Variants in HHAT observed in about 807,000 individuals in gnomAD.
HHAT encodes the protein hedgehog acyltransferase.
HHAT carries 47 observed loss-of-function variants against 70.8 expected under a neutral mutation model. The ratio of observed to expected loss-of-function variants is 0.66; its 90% confidence interval spans 0.53 to 0.85. HHAT has a LOEUF of 0.85. Among genes scored for constraint, HHAT ranks in the 40% least tolerant of loss-of-function variants. The pLI is 0.00. For missense variants in HHAT, 609 were observed against 604.8 expected (o/e 1.01, Z -0.07); for synonymous variants, 228 against 247.6 (o/e 0.92, Z 0.74).
intron 9 of HHAT, among the ~76,000 whole-genome samples, chr1:210,584,162 G>A (rs139065521): frequency 0.013 from 1,934 of 151,622 alleles, 36 homozygotes; most frequent in Middle Eastern, 0.017. Flanking sequence ...GGCTGGTCTC[G>A]AACTCCTGAC....
chr1:210,612,330 A>C (rs1666766279), intron 10 of HHAT, among the ~76,000 whole-genome samples: 1 of 152,124 alleles, frequency 6.6e-6, no homozygotes, highest in Non-Finnish European at 1.5e-5. Context: ...CTCAGTCCCT[A>C]GTAGCCACTA....
intron 9 of HHAT, among the ~76,000 whole-genome samples, chr1:210,526,286 C>T (rs1329685841): frequency 1.3e-5 from 2 of 151,818 alleles, no homozygotes; most frequent in African/African-American, 2.4e-5. Flanking sequence ...ACTGCAACAC[C>T]TCTGAGCCTG....
At chr1:210,636,540 C>T (rs1671901494) in intron 11 of HHAT, among the ~76,000 whole-genome samples, 1 of 152,178 alleles carries the variant, frequency 6.6e-6, no homozygotes, top group Non-Finnish European at 1.5e-5. Flanking sequence ...TTCTTTGCCT[C>T]CTTTGGTTCT....
chr1:210,477,636 C>A (rs1288168082), intron 8 of HHAT, among the ~76,000 whole-genome samples: 3 of 152,210 alleles, frequency 2.0e-5, no homozygotes, highest in Non-Finnish European at 4.4e-5. Flanking sequence ...GTAGGCATTC[C>A]ATTTCTGGGA....
At chr1:210,508,087 T>G (rs2094892117) in intron 8 of HHAT, among the ~76,000 whole-genome samples, 1 of 151,200 alleles carries the variant, frequency 6.6e-6, no homozygotes, top group Non-Finnish European at 1.5e-5. Flanking sequence ...TAATCTCAGC[T>G]GCTCGGGAGG....
chr1:210,500,993 C>T (rs567627537), intron 8 of HHAT, among the ~76,000 whole-genome samples: 56 of 152,328 alleles, frequency 3.7e-4, no homozygotes, highest in African/African-American at 1.0e-3. Flanking sequence ...CCTTCCTGCG[C>T]GCCTCTCCTG....
intron 9 of HHAT, among the ~76,000 whole-genome samples, chr1:210,532,671 C>G (rs2095327326): frequency 6.6e-6 from 1 of 152,154 alleles, no homozygotes. Flanking sequence ...TCCGTCGGCA[C>G]CATGTGCAGA....
intron 11 of HHAT, among the ~76,000 whole-genome samples, chr1:210,653,926 ACTGTG>A (rs1675735732): frequency 3.7e-4 from 4 of 10,916 alleles, no homozygotes; most frequent in African/African-American, 5.7e-4. Flanking sequence ...ACAGTGGAAT[ACTGTG>A]ATGGGAATAG....
In HHAT at chr1:210,438,174, T is replaced by TTGTGTGTG. The variant is rs3036615; in HGVS notation, c.856+19863_856+19870dup. Among the ~76,000 whole-genome samples the TTGTGTGTG allele has an allele frequency of 6.6e-3, 992 of 149,574 alleles. 20 individuals are homozygous for TTGTGTGTG. The highest frequency in any genetic ancestry group is 0.023 in the African/African-American group (923 of 40,384). ...ATTGTGACCTCAGGATTCTCCGTGT[T>TTGTGTGTG]TGTGTGTGTGTGTGTGTGTGTATAC... On this transcript the variant is annotated intron_variant, in intron 7 of 11. Coordinates refer to ENST00000261458, the MANE Select transcript of HHAT (RefSeq NM_018194.6).
At chr1:210,372,241 T>A (rs1400978147) in intron 3 of HHAT, among the ~76,000 whole-genome samples, 1 of 152,172 alleles carries the variant, frequency 6.6e-6, no homozygotes, top group Non-Finnish European at 1.5e-5. Context: ...CCCTAGTCGG[T>A]GTAGCCAAAA....
chr1:210,520,520 T>TAC (rs201414825), intron 9 of HHAT, among the ~76,000 whole-genome samples: 9,938 of 152,126 alleles, frequency 0.065, 882 homozygotes, highest in East Asian at 0.32. Flanking sequence ...CTCATTTGTG[T>TAC]ATCTGCTGTA....
intron 3 of HHAT, among the ~76,000 whole-genome samples, chr1:210,386,491 G>C (rs2091085466): frequency 6.6e-6 from 1 of 151,692 alleles, no homozygotes; most frequent in Non-Finnish European, 1.5e-5. Flanking sequence ...GCCCGCCTCG[G>C]CCTCCCAAAG....
At chr1:210,381,420 G>T (rs780596323) in intron 3 of HHAT, among the ~76,000 whole-genome samples, 18 of 152,002 alleles carry the variant, frequency 1.2e-4, no homozygotes, top group Non-Finnish European at 2.6e-4. Flanking sequence ...AGCTGAGATT[G>T]TAAGTATGCG....
chr1:210,349,133 G>A, intron 2 of HHAT, 67 bp downstream of exon 2: 3 of 1,522,186 alleles, frequency 2.0e-6, no homozygotes, highest in Non-Finnish European at 2.7e-6. Context: ...AGGAGCAGAG[G>A]TGGAAGATTC....
At chr1:210,404,301 C>G (rs1282311649) in intron 5 of HHAT, among the ~76,000 whole-genome samples, 163 bp from the exon 6 acceptor site, 2 of 152,212 alleles carry the variant, frequency 1.3e-5, no homozygotes, top group African/African-American at 4.8e-5. Flanking sequence ...TGGTTCTCGA[C>G]TGCCTTTTAT....
chr1:210,642,220 T>C (rs1179377026), intron 11 of HHAT, among the ~76,000 whole-genome samples: 1 of 152,268 alleles, frequency 6.6e-6, no homozygotes, highest in Non-Finnish European at 1.5e-5. Flanking sequence ...TTATCATTGT[T>C]ATGTATAGCA....
intron 9 of HHAT, among the ~76,000 whole-genome samples, chr1:210,552,225 A>G (rs967222246): frequency 6.6e-6 from 1 of 152,216 alleles, no homozygotes; most frequent in Non-Finnish European, 1.5e-5. Flanking sequence ...CCTCGGGGCA[A>G]TGGAATTTTC....
chr1:210,419,191 T>G lies in HHAT; in HGVS notation c.856+866T>G, dbSNP rs12074946. On this transcript the variant is annotated intron_variant, in intron 7 of 11. Coordinates refer to ENST00000261458, the MANE Select transcript of HHAT (RefSeq NM_018194.6). ...GCTTTGTGGAATAATAGGAGGATATTAGGCAGCGCTGCACATTGAGGGTGT... is the reference window on the plus strand; with the variant it reads ...GCTTTGTGGAATAATAGGAGGATATGAGGCAGCGCTGCACATTGAGGGTGT... 7.4e-3 allele frequency among the ~76,000 whole-genome samples: 1,134 copies of G among 152,242 alleles called. 18 individuals are homozygous for G. Among genetic ancestry groups the G allele is most frequent in the African/African-American group, 0.025 (1,035 of 41,546 alleles).
intron 1 of HHAT, among the ~76,000 whole-genome samples, chr1:210,341,391 C>T (rs1171749174): frequency 6.6e-6 from 1 of 152,158 alleles, no homozygotes; most frequent in Admixed American, 6.5e-5. Context: ...TTGGAAGTTG[C>T]TGGGGGAAAA....
Sources: gnomAD v4.1 joint callset for allele counts (sites outside exome capture counted in the v4.1 genomes callset) on GRCh38, gnomAD v4.1.1 for gene constraint, MANE v1.5 for transcripts, NCBI Gene and HGNC (gene_info 2026-07-23, HGNC 2026-07-21) for gene names.